The following MCC variants were observed in gnomAD, a reference collection of about 807,000 sequenced individuals.
MCC encodes MCC regulator of Wnt signaling pathway, also known as colorectal mutant cancer protein.
Under a neutral mutation model 116.2 loss-of-function variants are expected in MCC, and 90 were observed. The observed-to-expected ratio is 0.77, with a 90% CI of 0.65 to 0.92. The LOEUF (loss-of-function observed/expected upper bound fraction) is 0.92. Among genes scored for constraint, MCC ranks in the 40% least tolerant of loss-of-function variants. The probability of loss-of-function intolerance (pLI) is 0.00; values close to 1 mark genes in which losing one functional copy is unlikely to be tolerated. For synonymous variants in MCC, 578 were observed against 510.5 expected, an observed-to-expected ratio of 1.13 and a Z score of -1.78; for missense variants, 1,516 against 1,312.2, an observed-to-expected ratio of 1.16 and a Z score of -2.40.
intron 1 of MCC, among the ~76,000 whole-genome samples, chr5:113,403,279 T>C (rs1040675636): frequency 6.6e-6 from 1 of 152,148 alleles, no homozygotes; most frequent in African/African-American, 2.4e-5. Context: ...CTAAGGAAAG[T>C]AAGTGCACAC....
chr5:113,312,001 G>C (rs1158418125), intron 3 of MCC, among the ~76,000 whole-genome samples: 1 of 152,230 alleles, frequency 6.6e-6, no homozygotes, highest in African/African-American at 2.4e-5. Context: ...AGCTACTCAG[G>C]AGGCTGAGGC....
chr5:113,389,699 A>G (rs1769358308), intron 1 of MCC, among the ~76,000 whole-genome samples: 1 of 152,174 alleles, frequency 6.6e-6, no homozygotes, highest in Non-Finnish European at 1.5e-5. Context: ...ATGCTACGTC[A>G]ATTCCCTTTG....
intron 1 of MCC, among the ~76,000 whole-genome samples, chr5:113,479,415 A>G (rs1772314559): frequency 6.6e-6 from 1 of 152,148 alleles, no homozygotes; most frequent in South Asian, 2.1e-4. Context: ...AAATTTGTCA[A>G]AACTCATTGA....
chr5:113,139,163 G>A (rs4705793), intron 5 of MCC, among the ~76,000 whole-genome samples: 151,413 of 152,260 alleles, frequency 0.99, 75,290 homozygotes, highest in Middle Eastern at 1. Flanking sequence ...CTTCGACTCT[G>A]TTTGTTCAGT....
intron 3 of MCC, among the ~76,000 whole-genome samples, chr5:113,184,153 T>C (rs1226130861): frequency 6.6e-6 from 1 of 152,220 alleles, no homozygotes; most frequent in African/African-American, 2.4e-5. Flanking sequence ...TTCCCACTTA[T>C]TAGCACCATG....
Position 113,431,033 on chromosome 5 carries a change from G to A in MCC, c.171-45821C>T, listed in dbSNP as rs1012612678. ...AGCCAGTGGCAACAGAGAAGTATGA[G>A]GGAAATTGAGAGCCCTCTTAAGAGG... On this transcript the variant is annotated intron_variant, in intron 1 of 18. Transcript: ENST00000408903. Among the ~76,000 whole-genome samples the A allele has an allele frequency of 1.1e-4, 16 of 152,244 alleles. No individual in the cohort carries two copies. The East Asian group carries it at 2.9e-3, about 28-fold the overall frequency.
intron 2 of MCC, among the ~76,000 whole-genome samples, chr5:113,365,526 C>G (rs923943764): frequency 6.6e-6 from 1 of 152,196 alleles, no homozygotes; most frequent in Non-Finnish European, 1.5e-5. Flanking sequence ...AAGCCCTCCA[C>G]ACTCTTCCAA....
At chr5:113,101,499 T>G (rs1756406710) in intron 8 of MCC, 1 of 534,954 alleles carries the variant, frequency 1.9e-6, no homozygotes, top group African/African-American at 1.9e-5. Context: ...GATGTAATTT[T>G]ATCAACCAGT....
At chr5:113,134,724 T>A (rs1348739586) in intron 5 of MCC, among the ~76,000 whole-genome samples, 1 of 151,840 alleles carries the variant, frequency 6.6e-6, no homozygotes, top group Non-Finnish European at 1.5e-5. Flanking sequence ...GCCTGAAATT[T>A]TTTTGTGTGT....
chr5:113,028,380 A>ATT (rs67842639), intron 18 of MCC, among the ~76,000 whole-genome samples: 1 of 150,444 alleles, frequency 6.6e-6, no homozygotes. Context: ...TAAAAATGCC[A>ATT]TTTTTTTTTT....
At chr5:113,376,594 CA>C (rs1768986776) in intron 2 of MCC, among the ~76,000 whole-genome samples, 2 of 152,004 alleles carry the variant, frequency 1.3e-5, no homozygotes, top group Admixed American at 6.6e-5. Context: ...CACACACACA[CA>C]CACACACACA....
intron 1 of MCC, among the ~76,000 whole-genome samples, chr5:113,445,630 T>C (rs1036828959): frequency 2.6e-5 from 4 of 152,092 alleles, no homozygotes; most frequent in African/African-American, 7.2e-5. Context: ...TGCTCATGGA[T>C]TGGAAAAATC....
rs78285445 is a variant in MCC, at chr5:113,339,504, T to C, written c.627+1015A>G. Among the ~76,000 whole-genome samples, 31 of 152,020 alleles carry C rather than the reference T, an allele frequency of 2.0e-4. No individual in the cohort carries two copies. In the East Asian group the frequency reaches 6.0e-3, roughly 29 times the overall value. The stretch of plus-strand genomic sequence containing the variant: ...TCCAGGATCCCATTGAGGATATGCA[T>C]TCCATTTAGTTGTCGTATTTTCTTA... On this transcript the variant is annotated intron_variant, in intron 3 of 18. Transcript: ENST00000408903.
chr5:113,102,138 G>A (rs1002328655), intron 7 of MCC, among the ~76,000 whole-genome samples, 193 bp from the exon 8 acceptor site: 2 of 152,162 alleles, frequency 1.3e-5, no homozygotes, highest in African/African-American at 4.8e-5. Flanking sequence ...TCTGTCACTT[G>A]CCTGGGGTAC....
intron 3 of MCC, among the ~76,000 whole-genome samples, chr5:113,289,844 A>T (rs1308954834): frequency 2.0e-5 from 3 of 152,216 alleles, no homozygotes; most frequent in Admixed American, 6.5e-5. Flanking sequence ...AGTTTGTTGG[A>T]TTCTGCACCA....
intron 1 of MCC, among the ~76,000 whole-genome samples, chr5:113,448,571 TG>T (rs1170459552): frequency 1.3e-5 from 2 of 152,224 alleles, no homozygotes; most frequent in Non-Finnish European, 2.9e-5. Flanking sequence ...CAATGATCCC[TG>T]AAGTTTTTCA....
intron 1 of MCC, among the ~76,000 whole-genome samples, chr5:113,462,375 A>G (rs1771766515): frequency 6.6e-6 from 1 of 152,238 alleles, no homozygotes; most frequent in Admixed American, 6.5e-5. Context: ...TTCAACAGAA[A>G]CACTGGGAAA....
intron 17 of MCC, among the ~76,000 whole-genome samples, chr5:113,038,993 A>T (rs1751502882): frequency 6.6e-6 from 1 of 152,012 alleles, no homozygotes; most frequent in Admixed American, 6.5e-5. Context: ...TCGGTGACTA[A>T]ATGACCGCAG....
At chr5:113,474,993 T>C (rs1223695083) in intron 1 of MCC, among the ~76,000 whole-genome samples, 1 of 152,234 alleles carries the variant, frequency 6.6e-6, no homozygotes, top group East Asian at 1.9e-4. Flanking sequence ...TGAAATTTTA[T>C]AAATAAATGC....
Sources: allele counts gnomAD v4.1 joint callset (sites outside exome capture counted in the v4.1 genomes callset), GRCh38; gene constraint gnomAD v4.1.1; transcripts MANE v1.5; gene names NCBI Gene and HGNC (gene_info 2026-07-23, HGNC 2026-07-21).